STEAP1B: variants seen among roughly 807,000 people sequenced by gnomAD.
The protein encoded by STEAP1B is STEAP family protein MGC87042.
In STEAP1B, 13 loss-of-function variants were observed where a neutral mutation model predicts 27.9. The observed-to-expected ratio is 0.47, with a 90% CI of 0.30 to 0.74. The LOEUF is 0.74. Among genes scored for constraint, STEAP1B ranks in the 30% least tolerant of loss-of-function variants. STEAP1B has a pLI of 0.06. For synonymous variants in STEAP1B, 86 were observed against 107.1 expected (o/e 0.80, Z 1.22); for missense variants, 250 against 298.7 (o/e 0.84, Z 1.20).
At position 22,487,910 on chromosome 7, in the gene STEAP1B, C is replaced by A. The variant is rs183583809; in HGVS notation, c.762+4655G>T. Among the ~76,000 whole-genome samples the A allele has an allele frequency of 3.3e-5, 5 of 151,594 alleles. No homozygotes were observed. In the East Asian group the frequency reaches 9.7e-4, roughly 29 times the overall value. On this transcript the variant is annotated intron_variant, in intron 4 of 4. Coordinates refer to ENST00000678116, the MANE Select transcript of STEAP1B (RefSeq NM_001382447.1). The stretch of plus-strand genomic sequence containing the variant: ...AATACAAGTAAAATATAAAACTGAG[C>A]AAATTATATTAGCATCTGTATCTCT...
chr7:22,457,930 A>T (rs377380026), intron 4 of STEAP1B, among the ~76,000 whole-genome samples: 1 of 152,210 alleles, frequency 6.6e-6, no homozygotes, highest in Non-Finnish European at 1.5e-5. Flanking sequence ...CTTTGTCCCC[A>T]AAAAACCCCA....
chr7:22,470,318 GCAAAAATAAGTGATTAGATTGTAA>G (rs1253596123), intron 4 of STEAP1B, among the ~76,000 whole-genome samples: 1 of 152,130 alleles, frequency 6.6e-6, no homozygotes, highest in Non-Finnish European at 1.5e-5. Flanking sequence ...ACTTGAGGGG[GCAAAAATAAGTGATTAGATTGTAA>G]CAAAAAGTAA....
At chr7:22,431,572 A>G (rs1409712393) in intron 4 of STEAP1B, among the ~76,000 whole-genome samples, 1 of 152,198 alleles carries the variant, frequency 6.6e-6, no homozygotes, top group Admixed American at 6.5e-5. Flanking sequence ...CTGGTAGAAG[A>G]GGCATGATAC....
chr7:22,426,631 G>C (rs1261080335), intron 4 of STEAP1B, among the ~76,000 whole-genome samples: 1 of 152,226 alleles, frequency 6.6e-6, no homozygotes, highest in Non-Finnish European at 1.5e-5. Flanking sequence ...AGGGGAAGTA[G>C]TCCCCTGGAG....
intron 4 of STEAP1B, among the ~76,000 whole-genome samples, chr7:22,448,803 T>G (rs1167692463): frequency 6.6e-6 from 1 of 152,182 alleles, no homozygotes; most frequent in Non-Finnish European, 1.5e-5. Flanking sequence ...AAATTAATTC[T>G]CTGAGATACA....
intron 4 of STEAP1B, among the ~76,000 whole-genome samples, chr7:22,445,020 AAGTGAGAGGATGAG>A (rs1439274071): frequency 6.6e-6 from 1 of 152,186 alleles, no homozygotes; most frequent in Non-Finnish European, 1.5e-5. Flanking sequence ...CCAGAGGCCT[AAGTGAGAGGATGAG>A]AAAGAGAAAG....
intron 4 of STEAP1B, among the ~76,000 whole-genome samples, chr7:22,462,841 CCCA>C (rs566746101): frequency 3.7e-3 from 563 of 151,728 alleles, no homozygotes; most frequent in South Asian, 0.018. Flanking sequence ...AGTTTACAGT[CCCA>C]CCAACAGTGT....
chr7:22,459,734 G>C (rs535313740), intron 4 of STEAP1B, among the ~76,000 whole-genome samples: 2 of 152,088 alleles, frequency 1.3e-5, no homozygotes, highest in African/African-American at 2.4e-5. Context: ...TTTAAAACTC[G>C]TATCATAAAC....
At chr7:22,463,003 T>C (rs13237951) in intron 4 of STEAP1B, among the ~76,000 whole-genome samples, 60,390 of 130,860 alleles carry the variant, frequency 0.46, 12,052 homozygotes, top group East Asian at 0.53. Context: ...CATTTTTTCA[T>C]GTGTTTTTTG....
intron 4 of STEAP1B, among the ~76,000 whole-genome samples, chr7:22,436,617 C>T (rs1365323495): frequency 2.0e-5 from 3 of 151,456 alleles, no homozygotes; most frequent in Non-Finnish European, 3.0e-5. Context: ...CATCATTTAG[C>T]TCCCACTTAC....
chr7:22,481,076 A>C (rs1250549560), intron 4 of STEAP1B, among the ~76,000 whole-genome samples: 2 of 152,236 alleles, frequency 1.3e-5, no homozygotes, highest in East Asian at 3.8e-4. Context: ...AGGGGAGGTC[A>C]CTGGATGTCC....
In STEAP1B at chr7:22,447,643, C is replaced by T. The variant is rs189992216; in HGVS notation, c.763-27807G>A. On this transcript the variant is annotated intron_variant, in intron 4 of 4. Coordinates refer to ENST00000678116, the MANE Select transcript of STEAP1B (RefSeq NM_001382447.1). The stretch of plus-strand genomic sequence containing the variant: ...CCCTGTGCAATGGTCAAATGCTCCA[C>T]ATATTTTTGTTAGGATGGAAGGGTG... Among the ~76,000 whole-genome samples, 22 of 152,326 alleles carry T rather than the reference C, an allele frequency of 1.4e-4. No individual in the cohort carries two copies. The East Asian group carries it at 4.2e-3, about 29-fold the overall frequency.
chr7:22,436,415 A>G (rs1562567384), intron 4 of STEAP1B, among the ~76,000 whole-genome samples: 2 of 137,850 alleles, frequency 1.5e-5, no homozygotes, highest in Non-Finnish European at 3.3e-5. Flanking sequence ...TCCCTTAGCC[A>G]TTTTTTTAAA....
At chr7:22,450,078 C>T (rs1166615115) in intron 4 of STEAP1B, among the ~76,000 whole-genome samples, 2 of 152,122 alleles carry the variant, frequency 1.3e-5, no homozygotes, top group Non-Finnish European at 2.9e-5. Context: ...TATTTTCTCC[C>T]ATTCTGTGGG....
intron 4 of STEAP1B, among the ~76,000 whole-genome samples, chr7:22,484,019 C>T (rs935611181): frequency 2.6e-5 from 4 of 152,174 alleles, no homozygotes; most frequent in Admixed American, 6.5e-5. Flanking sequence ...GAGGAAGCTG[C>T]AGAAAAGCTG....
chr7:22,488,210 T>C (rs1202136910), intron 4 of STEAP1B, among the ~76,000 whole-genome samples: 1 of 152,194 alleles, frequency 6.6e-6, no homozygotes, highest in African/African-American at 2.4e-5. Flanking sequence ...CCAGGACCTG[T>C]TAGCCTGGGC....
intron 4 of STEAP1B, among the ~76,000 whole-genome samples, chr7:22,423,103 G>C (rs980925708): frequency 1.3e-5 from 2 of 152,228 alleles, no homozygotes; most frequent in Non-Finnish European, 1.5e-5. Flanking sequence ...AAGGAGCTCA[G>C]TGTGAAAAAT....
chr7:22,480,644 A>G lies in STEAP1B; in HGVS notation c.762+11921T>C, dbSNP rs142737085. Among the ~76,000 whole-genome samples, 623 of 152,356 alleles carry G rather than the reference A, an allele frequency of 4.1e-3. 1 individual carries two copies. Among genetic ancestry groups the G allele is most frequent in the Non-Finnish European group, 5.5e-3 (372 of 68,018 alleles). ...GCTGAATTTTCCAGGCACACTGTCT[A>G]TACCAAACAATTATCCCAATCATGC... is the stretch of plus-strand genomic sequence containing the variant. On this transcript the variant is annotated intron_variant, in intron 4 of 4. Transcript: ENST00000678116.
Position 22,437,504 on chromosome 7 carries a change from A to G in STEAP1B, c.763-17668T>C, listed in dbSNP as rs564468521. On this transcript the variant is annotated intron_variant, in intron 4 of 4. Coordinates refer to ENST00000678116, the MANE Select transcript of STEAP1B (RefSeq NM_001382447.1). The stretch of plus-strand genomic sequence containing the variant: ...ATTTTCGTTATCCATTCATCTGTCA[A>G]TGGACATTTAGGTTGCTTTTATGTC... 8.5e-5 allele frequency among the ~76,000 whole-genome samples: 13 copies of G among 152,340 alleles called. No homozygotes were observed. In the South Asian group the frequency reaches 2.7e-3, roughly 32 times the overall value.
Sources: allele counts gnomAD v4.1 joint callset (sites outside exome capture counted in the v4.1 genomes callset), GRCh38; gene constraint gnomAD v4.1.1; transcripts MANE v1.5; gene names NCBI Gene and HGNC (gene_info 2026-07-23, HGNC 2026-07-21).